Variants in AGTR1 observed in about 807,000 individuals in gnomAD.
The protein encoded by AGTR1 is type-1 angiotensin II receptor.
In AGTR1, 16 loss-of-function variants were observed where a neutral mutation model predicts 19.4. The observed-to-expected ratio is 0.82, with a 90% CI of 0.56 to 1.25. The LOEUF is 1.25. Ranked by LOEUF, AGTR1 falls within the 50% of genes most tolerant of loss-of-function variation. The probability of loss-of-function intolerance (pLI) is 0.00; values close to 1 mark genes in which losing one functional copy is unlikely to be tolerated. For missense variants in AGTR1, 373 were observed against 431.9 expected, an observed-to-expected ratio of 0.86 and a Z score of 1.21; for synonymous variants, 153 against 154.9, an observed-to-expected ratio of 0.99 and a Z score of 0.09.
intron 2 of AGTR1, among the ~76,000 whole-genome samples, chr3:148,719,153 A>T (rs2107944700): frequency 6.6e-6 from 1 of 152,350 alleles, no homozygotes; most frequent in East Asian, 1.9e-4. Context: ...ATGGTTTTTT[A>T]AAATAGGTAA....
chr3:148,701,663 C>A (rs935683179), intron 1 of AGTR1, among the ~76,000 whole-genome samples: 2 of 152,094 alleles, frequency 1.3e-5, no homozygotes, highest in African/African-American at 2.4e-5. Flanking sequence ...TGTTGTTAAT[C>A]TCACATGTAA....
intron 2 of AGTR1, among the ~76,000 whole-genome samples, chr3:148,715,004 A>G (rs1170010637): frequency 6.6e-6 from 1 of 152,202 alleles, no homozygotes; most frequent in Non-Finnish European, 1.5e-5. Context: ...GCAAAATGTC[A>G]TGTACTAGTT....
At chr3:148,720,731 T>G (rs1292501792) in intron 2 of AGTR1, among the ~76,000 whole-genome samples, 1 of 152,208 alleles carries the variant, frequency 6.6e-6, no homozygotes, top group Non-Finnish European at 1.5e-5. Context: ...ACTACTTTAG[T>G]GTGTTGGAAT....
intron 2 of AGTR1, among the ~76,000 whole-genome samples, chr3:148,718,364 T>C (rs918482084): frequency 6.6e-6 from 1 of 152,208 alleles, no homozygotes; most frequent in Non-Finnish European, 1.5e-5. Flanking sequence ...GCCTGCTGCA[T>C]ATGCTAGGGA....
Position 148,730,528 on chromosome 3 carries a change from GTT to G in AGTR1, c.-47-10457_-47-10456del, listed in dbSNP as rs1436477491. On this transcript the variant is annotated intron_variant, in intron 2 of 2. Coordinates refer to ENST00000349243, the MANE Select transcript of AGTR1 (RefSeq NM_000685.5). The stretch of plus-strand genomic sequence containing the variant: ...TTAATGAGTAAGTTTCTCATATTCA[GTT>G]TTTGATGCTTCATAAATGTTAAATG... 9 of 259,994 alleles carry G rather than the reference GTT, an allele frequency of 3.5e-5. No homozygotes were observed. In the Admixed American group the frequency reaches 4.8e-4, roughly 14 times the overall value. The allele number at this position is 259,994 out of a possible 1,614,324, so 16.1% of individuals were successfully genotyped here.
chr3:148,731,751 C>T (rs1036784089), intron 2 of AGTR1, among the ~76,000 whole-genome samples: 1 of 152,162 alleles, frequency 6.6e-6, no homozygotes, highest in Admixed American at 6.5e-5. Context: ...TTTGCCAGGA[C>T]AGCAGTCCAG....
At chr3:148,738,187 T>C (rs889948402) in intron 2 of AGTR1, among the ~76,000 whole-genome samples, 1 of 152,132 alleles carries the variant, frequency 6.6e-6, no homozygotes, top group African/African-American at 2.4e-5. Flanking sequence ...ATTTCCTCCC[T>C]GTTCTCATAG....
intron 2 of AGTR1, among the ~76,000 whole-genome samples, chr3:148,737,109 C>T (rs1425370915): frequency 6.6e-6 from 1 of 152,096 alleles, no homozygotes; most frequent in African/African-American, 2.4e-5. Flanking sequence ...TATTTCTTTC[C>T]TTAGAAACAA....
chr3:148,705,434 T>G (rs944551582), intron 1 of AGTR1, among the ~76,000 whole-genome samples: 2 of 118,410 alleles, frequency 1.7e-5, no homozygotes, highest in African/African-American at 9.3e-5. Flanking sequence ...TTTAATAATC[T>G]AACTCTCCCA....
chr3:148,709,422 C>T (rs973527983), intron 2 of AGTR1, among the ~76,000 whole-genome samples: 4 of 152,248 alleles, frequency 2.6e-5, no homozygotes, highest in East Asian at 1.9e-4. Context: ...AACATTCACA[C>T]ATTTGTAGCA....
chr3:148,706,269 G>C lies in AGTR1; in HGVS notation c.-131-1675G>C, dbSNP rs1576523802. Among the ~76,000 whole-genome samples, 10 of 151,858 alleles carry C rather than the reference G, an allele frequency of 6.6e-5. 1 individual carries two copies. The South Asian group carries it at 2.1e-3, about 32-fold the overall frequency. ...ACAAAGAGTCCACAGAATTCACACGGTCATGATATTTTATAGAAGAAATCA... is the reference window on the plus strand; with the variant it reads ...ACAAAGAGTCCACAGAATTCACACGCTCATGATATTTTATAGAAGAAATCA... On this transcript the variant is annotated intron_variant, in intron 1 of 2. Transcript: ENST00000349243.
chr3:148,728,524 C>G (rs767659627), intron 2 of AGTR1, among the ~76,000 whole-genome samples: 46 of 152,322 alleles, frequency 3.0e-4, no homozygotes, highest in Admixed American at 3.3e-4. Flanking sequence ...CAAAAATGCT[C>G]CATCTTCCTT....
At chr3:148,726,336 G>A (rs776919360) in intron 2 of AGTR1, among the ~76,000 whole-genome samples, 19 of 152,098 alleles carry the variant, frequency 1.2e-4, no homozygotes, top group Non-Finnish European at 2.5e-4. Context: ...AGCCTCCCGA[G>A]TAGATGGGAT....
intron 2 of AGTR1, among the ~76,000 whole-genome samples, chr3:148,735,728 A>C (rs139270485): frequency 1.3e-3 from 205 of 152,358 alleles, no homozygotes; most frequent in African/African-American, 4.6e-3. Flanking sequence ...ACAAGTGAAT[A>C]GCTAACAGTT....
intron 2 of AGTR1, among the ~76,000 whole-genome samples, chr3:148,708,626 G>A (rs1041676432): frequency 6.6e-6 from 1 of 152,168 alleles, no homozygotes; most frequent in African/African-American, 2.4e-5. Context: ...GAGTCACATG[G>A]CAGGGCATTA....
At chr3:148,740,931 A>C (rs1466328057) in intron 2 of AGTR1, 58 bp from the exon 3 acceptor site, 17 of 1,433,680 alleles carry the variant, frequency 1.2e-5, no homozygotes, top group Non-Finnish European at 1.5e-5. Context: ...AATGTTTGTT[A>C]GTTTGTTTGT....
intron 1 of AGTR1, among the ~76,000 whole-genome samples, chr3:148,699,079 A>C (rs1182303254): frequency 1.3e-5 from 2 of 151,924 alleles, no homozygotes; most frequent in Non-Finnish European, 2.9e-5. Flanking sequence ...AAGTATTAAA[A>C]ACCTACTCCC....
chr3:148,741,108 A>C lies in AGTR1; in HGVS notation c.73A>C (p.Asn25His), dbSNP rs1362276045. The C allele has an allele frequency of 6.2e-7, 1 of 1,614,048 alleles. No individual in the cohort carries two copies. The highest frequency in any genetic ancestry group is 8.5e-7 in the Non-Finnish European group (1 of 1,180,002). Reference protein sequence around the residue: ...QDDCPKAGRHNYIFVMIPTLY... With the variant: ...QDDCPKAGRHHYIFVMIPTLY... Reference sequence around the variant, plus strand: ...TGATTGTCCCAAAGCTGGAAGGCATAATTACATATTTGTCATGATTCCTAC... The same window carrying C: ...TGATTGTCCCAAAGCTGGAAGGCATCATTACATATTTGTCATGATTCCTAC... The change falls in exon 3 of 3, where the codon AAT (asparagine) becomes CAT (histidine). Residue 25 changes from asparagine to histidine, a missense_variant. Physicochemically the swap from Asn to His is moderately conservative, Grantham distance 68. Transcript: ENST00000349243.
chr3:148,726,011 T>C (rs955800626), intron 2 of AGTR1, among the ~76,000 whole-genome samples: 4 of 152,340 alleles, frequency 2.6e-5, no homozygotes, highest in South Asian at 2.1e-4. Flanking sequence ...ATATACTGTC[T>C]TTTGAAAAAG....
Sources: gnomAD v4.1 joint callset for allele counts (sites outside exome capture counted in the v4.1 genomes callset) on GRCh38, gnomAD v4.1.1 for gene constraint, MANE v1.5 for transcripts, NCBI Gene and HGNC (gene_info 2026-07-23, HGNC 2026-07-21) for gene names.